Variants in STK39 observed in about 807,000 individuals in gnomAD.
The protein encoded by STK39 is STE20/SPS1-related proline-alanine-rich protein kinase.
STK39 carries 20 observed loss-of-function variants against 77.8 expected under a neutral mutation model. The observed-to-expected ratio is 0.26, with a 90% CI of 0.18 to 0.37. The LOEUF is 0.37. STK39 is among the 10% of genes least tolerant of loss of function. The pLI, the probability that STK39 is intolerant of heterozygous loss-of-function variation, is 1.00. For synonymous variants in STK39, 246 were observed against 234.1 expected (o/e 1.05, Z -0.47); for missense variants, 479 against 656.5 (o/e 0.73, Z 2.95).
At chr2:168,137,946 G>A in intron 8 of STK39, 142 bp downstream of exon 8, 9 of 1,165,666 alleles carry the variant, frequency 7.7e-6, no homozygotes, top group Non-Finnish European at 1.1e-5. Flanking sequence ...TCACTAACAG[G>A]TTGGAAATCT....
intron 2 of STK39, 62 bp from the exon 3 acceptor site, chr2:168,167,469 G>A: frequency 7.0e-7 from 1 of 1,423,906 alleles, no homozygotes; most frequent in South Asian, 1.2e-5. Context: ...CAAAACACAA[G>A]TGAATCACAG....
chr2:168,060,773 T>C (rs1685644128), intron 14 of STK39, among the ~76,000 whole-genome samples: 1 of 152,246 alleles, frequency 6.6e-6, no homozygotes, highest in South Asian at 2.1e-4. Context: ...TTGTGTTAGA[T>C]GTACATTAAA....
chr2:168,047,077 C>T (rs185604429), intron 14 of STK39, among the ~76,000 whole-genome samples: 67 of 151,818 alleles, frequency 4.4e-4, no homozygotes, highest in African/African-American at 1.5e-3. Flanking sequence ...ATCTTTTAGC[C>T]CTGATATTTT....
intron 1 of STK39, among the ~76,000 whole-genome samples, chr2:168,215,146 C>T (rs1306831021): frequency 6.6e-6 from 1 of 152,092 alleles, no homozygotes; most frequent in African/African-American, 2.4e-5. Flanking sequence ...ACAAAAAGCC[C>T]TTTTCTGAAA....
intron 16 of STK39, among the ~76,000 whole-genome samples, chr2:167,978,925 T>C (rs1471813449): frequency 6.6e-6 from 1 of 152,162 alleles, no homozygotes; most frequent in Non-Finnish European, 1.5e-5. Context: ...TACTTAGCAA[T>C]AAAAAGGAAT....
intron 14 of STK39, among the ~76,000 whole-genome samples, chr2:168,034,816 C>T (rs1170324730): frequency 2.6e-5 from 4 of 152,148 alleles, no homozygotes; most frequent in East Asian, 1.9e-4. Context: ...AAACGAGCAG[C>T]GGGTGCCATG....
chr2:168,231,753 C>T (rs1690461156), intron 1 of STK39, among the ~76,000 whole-genome samples: 1 of 152,086 alleles, frequency 6.6e-6, no homozygotes, highest in Admixed American at 6.6e-5. Flanking sequence ...TTTTCCATCC[C>T]TACCACGTGT....
intron 3 of STK39, among the ~76,000 whole-genome samples, chr2:168,165,942 A>C (rs1411884947): frequency 6.6e-6 from 1 of 152,202 alleles, no homozygotes; most frequent in East Asian, 1.9e-4. Flanking sequence ...AAAGATACCC[A>C]GAGAATCAAG....
chr2:168,223,406 G>C (rs1690224581), intron 1 of STK39, among the ~76,000 whole-genome samples: 1 of 151,728 alleles, frequency 6.6e-6, no homozygotes. Flanking sequence ...CAGCTAATCG[G>C]GAGGGCGAGG....
chr2:168,055,999 A>T (rs1335027149), intron 14 of STK39, among the ~76,000 whole-genome samples: 1 of 152,190 alleles, frequency 6.6e-6, no homozygotes, highest in Non-Finnish European at 1.5e-5. Flanking sequence ...TGACATTATC[A>T]TATATACTAT....
In STK39 at chr2:168,000,015, C is replaced by A. The variant is rs1482506255; in HGVS notation, c.1498+12619G>T. ...TTTGGGCAGGGAGCTAGTGAGACCACCACATGGTAACCAGCACTGAGAAAG... is the reference window on the plus strand; with the variant it reads ...TTTGGGCAGGGAGCTAGTGAGACCAACACATGGTAACCAGCACTGAGAAAG... On this transcript the variant is annotated intron_variant, in intron 16 of 17. Coordinates refer to ENST00000355999, the MANE Select transcript of STK39 (RefSeq NM_013233.3). 2.0e-5 allele frequency among the ~76,000 whole-genome samples: 3 copies of A among 152,174 alleles called. No individual in the cohort carries two copies. In the South Asian group the frequency reaches 6.2e-4, roughly 32 times the overall value.
intron 17 of STK39, among the ~76,000 whole-genome samples, chr2:167,962,995 T>C (rs1692035294): frequency 6.6e-6 from 1 of 152,134 alleles, no homozygotes; most frequent in Non-Finnish European, 1.5e-5. Context: ...CAGGCTTCAT[T>C]AGCCTGTCCC....
chr2:168,210,028 A>AG (rs1239094799), intron 1 of STK39, among the ~76,000 whole-genome samples: 5,944 of 87,502 alleles, frequency 0.068, 392 homozygotes, highest in African/African-American at 0.15. Flanking sequence ...AAGAAAGGAA[A>AG]GAAAGGAAGG....
At chr2:167,982,423 C>T (rs1008856189) in intron 16 of STK39, among the ~76,000 whole-genome samples, 25 of 152,104 alleles carry the variant, frequency 1.6e-4, no homozygotes, top group Admixed American at 2.6e-4. Context: ...AGTTGGCTGA[C>T]GAAGCATCAG....
chr2:168,153,281 T>G (rs1028541811), intron 5 of STK39, among the ~76,000 whole-genome samples: 4 of 152,244 alleles, frequency 2.6e-5, no homozygotes, highest in African/African-American at 9.6e-5. Flanking sequence ...GTACTGGGAC[T>G]GTAGACCAGA....
At chr2:168,201,475 G>A (rs181475002) in intron 1 of STK39, among the ~76,000 whole-genome samples, 4 of 152,166 alleles carry the variant, frequency 2.6e-5, no homozygotes, top group Non-Finnish European at 4.4e-5. Context: ...AGCAAGCTCT[G>A]GCCATCATGG....
chr2:167,966,162 C>A (rs975954232), intron 16 of STK39, among the ~76,000 whole-genome samples: 1 of 152,158 alleles, frequency 6.6e-6, no homozygotes, highest in Non-Finnish European at 1.5e-5. Context: ...ATATCGGGTA[C>A]ACCCCAGGGC....
chr2:168,084,108 C>T (rs1421141955), intron 10 of STK39, among the ~76,000 whole-genome samples: 1 of 151,916 alleles, frequency 6.6e-6, no homozygotes, highest in Non-Finnish European at 1.5e-5. Context: ...TGTGAGTTCA[C>T]ACCCCTGTTG....
rs376351609 is a variant in STK39, at chr2:167,957,588, C to T, written c.1564-2018G>A. Among the ~76,000 whole-genome samples, 20 of 152,272 alleles carry T rather than the reference C, an allele frequency of 1.3e-4. 1 individual carries two copies. The highest frequency in any genetic ancestry group is 3.9e-4 in the African/African-American group (16 of 41,548). On this transcript the variant is annotated intron_variant, in intron 17 of 17. Transcript: ENST00000355999. ...AACCCACTGAATAATGGCAGACAAC[C>T]TGTGTAATTAACAGGCAACTGACAA... is the stretch of plus-strand genomic sequence containing the variant.
Sources: gnomAD v4.1 joint callset for allele counts (sites outside exome capture counted in the v4.1 genomes callset) on GRCh38, gnomAD v4.1.1 for gene constraint, MANE v1.5 for transcripts, NCBI Gene and HGNC (gene_info 2026-07-23, HGNC 2026-07-21) for gene names.